The following COL21A1 variants were observed in gnomAD, a reference collection of about 807,000 sequenced individuals.
COL21A1 encodes collagen alpha-1(XXI) chain.
COL21A1 carries 149 observed loss-of-function variants against 137.9 expected under a neutral mutation model. That is an observed-to-expected ratio of 1.08 (90% CI 0.95 to 1.24). The LOEUF (loss-of-function observed/expected upper bound fraction) is 1.24, where lower values mean the gene tolerates loss of function less well. Ranked by LOEUF, COL21A1 falls within the 50% of genes most tolerant of loss-of-function variation. COL21A1 has a pLI of 0.00. For synonymous variants in COL21A1, 456 were observed against 391.5 expected (o/e 1.16, Z -1.95); for missense variants, 1,167 against 1,158.4 (o/e 1.01, Z -0.11).
At position 56,157,047 on chromosome 6, in the gene COL21A1, G is replaced by GT. The variant is rs147201015; in HGVS notation, c.1372-99dup. Reference sequence around the variant, plus strand: ...TTCAAAACCAATTCCATTATTTGAGGTTTTTTGTATGTTAAAAACAAAAGT... The same window carrying GT: ...TTCAAAACCAATTCCATTATTTGAGGTTTTTTTGTATGTTAAAAACAAAAGT... On this transcript the variant is annotated intron_variant, in intron 9 of 29. Coordinates refer to ENST00000244728, the MANE Select transcript of COL21A1 (RefSeq NM_030820.4). 3,441 of 675,080 alleles carry GT rather than the reference G, an allele frequency of 5.1e-3. 92 individuals carry two copies. The African/African-American group carries it at 0.064, about 13-fold the overall frequency. The allele number at this position is 675,080 out of a possible 1,614,324, so 41.8% of individuals were successfully genotyped here.
chr6:56,057,722 C>T lies in COL21A1; in HGVS notation c.2809G>A (p.Asp937Asn), dbSNP rs563672300. Reference sequence around the variant, plus strand: ...ATTACACTAAAACATAGTGATGGGTCGCAGATGCCTGGGGGGCCTGGTTGC... The same window carrying T: ...ATTACACTAAAACATAGTGATGGGTTGCAGATGCCTGGGGGGCCTGGTTGC... ...QGQPGPPGIC[D>N]PSLCFSVIAR... The change falls in exon 30 of 30, where the codon GAC (aspartate) becomes AAC (asparagine). Residue 937 changes from aspartate (D) to asparagine (N), a missense_variant. Physicochemically the swap from Asp to Asn is conservative, Grantham distance 23. Transcript: ENST00000244728. The T allele has an allele frequency of 2.7e-5, 44 of 1,612,944 alleles. No individual in the cohort carries two copies. The highest frequency in any genetic ancestry group is 1.1e-4 in the East Asian group (5 of 44,714).
At chr6:56,201,491 A>C (rs1337981833) in intron 1 of COL21A1, among the ~76,000 whole-genome samples, 1 of 152,166 alleles carries the variant, frequency 6.6e-6, no homozygotes, top group Non-Finnish European at 1.5e-5. Flanking sequence ...ATAAGGTGTA[A>C]GAAAGGGATC....
intron 1 of COL21A1, among the ~76,000 whole-genome samples, chr6:56,259,329 T>A (rs1403617394): frequency 6.6e-6 from 1 of 152,178 alleles, no homozygotes; most frequent in African/African-American, 2.4e-5. Flanking sequence ...ACTCCCTCCA[T>A]CTCCATTTGT....
rs182114912 is a variant in COL21A1 at position 56,107,342 on chromosome 6, T to C, written c.1759-5817A>G. Among the ~76,000 whole-genome samples the C allele has an allele frequency of 3.7e-3, 567 of 152,102 alleles. 2 individuals are homozygous for C. The highest frequency in any genetic ancestry group is 0.013 in the African/African-American group (541 of 41,516). ...GATAGAAGACAAATAAATTTCAATA[T>C]ATCTGTAATTGGAGTCCTTGAGATA... is the stretch of plus-strand genomic sequence containing the variant. On this transcript the variant is annotated intron_variant, in intron 16 of 29. Coordinates refer to ENST00000244728, the MANE Select transcript of COL21A1 (RefSeq NM_030820.4).
In COL21A1 at chr6:56,111,917, C is replaced by T. The variant is rs542158054; in HGVS notation, c.1759-10392G>A. ...AAAAAACTTTAACACATCCCACAGG[C>T]TCTCTTGGTAAAAATTTTAAAACTG... On this transcript the variant is annotated intron_variant, in intron 16 of 29. Transcript: ENST00000244728. Among the ~76,000 whole-genome samples, 23 of 151,246 alleles carry T rather than the reference C, an allele frequency of 1.5e-4. No homozygotes were observed. In the South Asian group the frequency reaches 4.6e-3, roughly 30 times the overall value.
chr6:56,087,690 A>G (rs1350943727), intron 17 of COL21A1, among the ~76,000 whole-genome samples: 1 of 152,202 alleles, frequency 6.6e-6, no homozygotes, highest in African/African-American at 2.4e-5. Context: ...TATAAACCCA[A>G]CTGCATTTGT....
At chr6:56,087,681 A>G (rs1768393073) in intron 17 of COL21A1, among the ~76,000 whole-genome samples, 2 of 152,216 alleles carry the variant, frequency 1.3e-5, no homozygotes, top group Admixed American at 1.3e-4. Flanking sequence ...AGTCCTGATT[A>G]TAAACCCAAC....
chr6:56,321,162 C>T (rs1321372283), intron 1 of COL21A1, among the ~76,000 whole-genome samples: 1 of 152,170 alleles, frequency 6.6e-6, no homozygotes, highest in Non-Finnish European at 1.5e-5. Context: ...CCCCATGGGT[C>T]TCTCACGTTT....
At chr6:56,189,215 C>A (rs1308915395) in intron 1 of COL21A1, among the ~76,000 whole-genome samples, 3 of 151,578 alleles carry the variant, frequency 2.0e-5, no homozygotes, top group Non-Finnish European at 4.4e-5. Context: ...AAGCTAAGAA[C>A]CTTGAAAAAA....
intron 1 of COL21A1, among the ~76,000 whole-genome samples, chr6:56,378,348 C>G (rs985430395): frequency 6.6e-6 from 1 of 152,118 alleles, no homozygotes; most frequent in Non-Finnish European, 1.5e-5. Context: ...AGCCCATTCC[C>G]CTGAAGATGA....
In COL21A1 at chr6:56,057,441, T is replaced by C; in HGVS notation, c.*216A>G. 2 of 539,070 alleles carry C rather than the reference T, an allele frequency of 3.7e-6. No homozygotes were observed. Among genetic ancestry groups the C allele is most frequent in the Non-Finnish European group, 6.4e-6 (2 of 310,846 alleles). 33.4% of individuals were successfully genotyped at this position (539,070 alleles called of 1,614,324 possible). A position where few individuals can be genotyped will look rare whatever the true frequency, so the allele number is the denominator to read the frequency against. ...TGGACTTTACAAGAAACCCTTGAGATTTAATTAATGCTGCTAATCCAAGGG... is the reference window on the plus strand; with the variant it reads ...TGGACTTTACAAGAAACCCTTGAGACTTAATTAATGCTGCTAATCCAAGGG... On this transcript the variant is annotated 3_prime_UTR_variant, in exon 30 of 30. Coordinates refer to ENST00000244728, the MANE Select transcript of COL21A1 (RefSeq NM_030820.4).
rs547364892 is a variant in COL21A1, at chr6:56,143,969, A to C, written c.1435-1986T>G. Among the ~76,000 whole-genome samples the C allele has an allele frequency of 3.3e-5, 5 of 152,316 alleles. No individual in the cohort carries two copies. The East Asian group carries it at 7.7e-4, about 24-fold the overall frequency. On this transcript the variant is annotated intron_variant, in intron 10 of 29. Transcript: ENST00000244728. ...TCTGTAGAAAATGGAAACGTTTAGT[A>C]ATCTCATGTTTCCTGTTCTCAGGAT... is the stretch of plus-strand genomic sequence containing the variant.
At chr6:56,286,631 G>T (rs1300517744) in intron 1 of COL21A1, among the ~76,000 whole-genome samples, 1 of 152,116 alleles carries the variant, frequency 6.6e-6, no homozygotes, top group Non-Finnish European at 1.5e-5. Context: ...ATGTTTACAC[G>T]GTTTTGTGAA....
chr6:56,103,090 A>G (rs553654706), intron 16 of COL21A1, among the ~76,000 whole-genome samples: 1 of 152,308 alleles, frequency 6.6e-6, no homozygotes, highest in Non-Finnish European at 1.5e-5. Context: ...CAATAGTCAG[A>G]AGGAATCTCT....
chr6:56,159,366 T>G (rs1000000722), intron 9 of COL21A1, among the ~76,000 whole-genome samples: 2 of 147,580 alleles, frequency 1.4e-5, no homozygotes, highest in African/African-American at 5.1e-5. Flanking sequence ...GGAGTCTTGC[T>G]CCGTCACCCA....
chr6:56,303,638 C>T (rs940010111), intron 1 of COL21A1, among the ~76,000 whole-genome samples: 15 of 152,082 alleles, frequency 9.9e-5, no homozygotes, highest in Non-Finnish European at 2.2e-4. Flanking sequence ...GGGGCTGAGA[C>T]CACGGGGTTT....
intron 1 of COL21A1, among the ~76,000 whole-genome samples, chr6:56,206,280 T>C (rs1459554451): frequency 5.1e-5 from 7 of 138,140 alleles, no homozygotes; most frequent in Non-Finnish European, 9.3e-5. Context: ...AATAAAGGGA[T>C]GGGGGAATAT....
At position 56,215,362 on chromosome 6, in the gene COL21A1, A is replaced by G. The variant is rs149369811; in HGVS notation, c.-39+32025T>C. On this transcript the variant is annotated intron_variant, in intron 1 of 29. Coordinates refer to ENST00000244728, the MANE Select transcript of COL21A1 (RefSeq NM_030820.4). ...TCCTGCAGCTGTGTTCTCTTTGGAC[A>G]CCCTTCTGACTCCAGACTCATACAC... Among the ~76,000 whole-genome samples the G allele has an allele frequency of 6.2e-3, 947 of 152,020 alleles. 10 individuals are homozygous for G. The highest frequency in any genetic ancestry group is 0.022 in the African/African-American group (898 of 41,488).
chr6:56,199,193 C>G (rs1779219753), intron 1 of COL21A1, among the ~76,000 whole-genome samples: 2 of 152,036 alleles, frequency 1.3e-5, no homozygotes, highest in South Asian at 4.1e-4. Context: ...ATGCTTACAT[C>G]CTCAACAGCA....
Sources: allele counts gnomAD v4.1 joint callset (sites outside exome capture counted in the v4.1 genomes callset), GRCh38; gene constraint gnomAD v4.1.1; transcripts MANE v1.5; gene names NCBI Gene and HGNC (gene_info 2026-07-23, HGNC 2026-07-21).